SEPTIN14: variants seen among roughly 807,000 people sequenced by gnomAD.
The protein encoded by SEPTIN14 is septin 14.
A neutral mutation model predicts 53.6 loss-of-function variants in SEPTIN14; 40 were observed. That is an observed-to-expected ratio of 0.75 (90% CI 0.58 to 0.97). The LOEUF is 0.97. Ranked by LOEUF, SEPTIN14 falls within the 50% of genes least tolerant of loss-of-function variation. The pLI is 0.00. For missense variants in SEPTIN14, 471 were observed against 508.2 expected (o/e 0.93, Z 0.70); for synonymous variants, 138 against 166.8 (o/e 0.83, Z 1.33).
intron 9 of SEPTIN14, chr7:55,798,405 C>A: frequency 8.3e-6 from 2 of 240,570 alleles, no homozygotes; most frequent in Non-Finnish European, 8.2e-6. Context: ...GGAGGAGGAG[C>A]CCTGGGCCCC....
intron 6 of SEPTIN14, among the ~76,000 whole-genome samples, chr7:55,822,482 C>T (rs535760801): frequency 6.6e-6 from 1 of 151,952 alleles, no homozygotes; most frequent in South Asian, 2.1e-4. Context: ...GGAAGACATA[C>T]TATTCAACCT....
intron 7 of SEPTIN14, among the ~76,000 whole-genome samples, chr7:55,808,843 C>T (rs112894925): frequency 0.22 from 33,726 of 152,140 alleles, 4,338 homozygotes; most frequent in Middle Eastern, 0.31. Flanking sequence ...TGAGCCACCA[C>T]GCTCGGCCTG....
At position 55,807,274 on chromosome 7, in the gene SEPTIN14, T is replaced by C. The variant is rs755530899; in HGVS notation, c.818-16A>G. ...TCATTTTCCACTAGTAAAAAAATAA[T>C]AATGAATCAACAACATTCAGTATCA... On this transcript the variant is annotated splice_polypyrimidine_tract_variant and intron_variant, in intron 7 of 9. Transcript: ENST00000388975. 19 of 1,533,812 alleles carry C rather than the reference T, an allele frequency of 1.2e-5. No individual in the cohort carries two copies. The South Asian group carries it at 2.2e-4, about 18-fold the overall frequency.
At chr7:55,842,254 T>C (rs992093260) in intron 5 of SEPTIN14, among the ~76,000 whole-genome samples, 1 of 152,038 alleles carries the variant, frequency 6.6e-6, no homozygotes, top group Admixed American at 6.6e-5. Flanking sequence ...GATATGTAAC[T>C]ACACTTGCAT....
chr7:55,815,008 T>C (rs562006485), intron 7 of SEPTIN14, among the ~76,000 whole-genome samples: 16 of 152,238 alleles, frequency 1.1e-4, no homozygotes, highest in Non-Finnish European at 2.4e-4. Flanking sequence ...AGAGAACTCA[T>C]TTTCAACAAA....
intron 2 of SEPTIN14, among the ~76,000 whole-genome samples, chr7:55,859,188 A>G (rs1789700192): frequency 6.6e-6 from 1 of 151,896 alleles, no homozygotes; most frequent in Non-Finnish European, 1.5e-5. Flanking sequence ...ACCAATGTCC[A>G]GGACATTTTC....
At chr7:55,830,366 A>G (rs1174220796) in intron 6 of SEPTIN14, among the ~76,000 whole-genome samples, 1 of 27,928 alleles carries the variant, frequency 3.6e-5, no homozygotes, top group Admixed American at 3.7e-4. Context: ...TTTTTTTTTG[A>G]GACGGAGTCT....
chr7:55,824,468 T>G (rs989388159), intron 6 of SEPTIN14, among the ~76,000 whole-genome samples: 4 of 152,110 alleles, frequency 2.6e-5, no homozygotes. Flanking sequence ...TTCCACCCAC[T>G]GAATCTAAAA....
chr7:55,816,690 C>G (rs1197059366), intron 7 of SEPTIN14, among the ~76,000 whole-genome samples: 1 of 151,648 alleles, frequency 6.6e-6, no homozygotes, highest in African/African-American at 2.4e-5. Context: ...GCCTGTAATC[C>G]CAGCTACTGA....
chr7:55,837,661 G>A (rs35640673), intron 5 of SEPTIN14, among the ~76,000 whole-genome samples: 8,900 of 151,608 alleles, frequency 0.059, 484 homozygotes, highest in East Asian at 0.24. Flanking sequence ...TCGGCTCACC[G>A]CAACCTCTGC....
intron 6 of SEPTIN14, among the ~76,000 whole-genome samples, chr7:55,825,736 G>A (rs968657297): frequency 1.5e-4 from 23 of 152,054 alleles, no homozygotes; most frequent in African/African-American, 5.6e-4. Flanking sequence ...GGAGGCCGAG[G>A]CGGTTGGATC....
chr7:55,839,418 G>C (rs1204435605), intron 5 of SEPTIN14, among the ~76,000 whole-genome samples: 1 of 148,828 alleles, frequency 6.7e-6, no homozygotes, highest in Non-Finnish European at 1.5e-5. Context: ...AAGATATTTT[G>C]AGAGACGCAG....
At chr7:55,811,052 T>C in intron 7 of SEPTIN14, 2 of 462,128 alleles carry the variant, frequency 4.3e-6, no homozygotes, top group South Asian at 1.8e-5. Flanking sequence ...CCTCTTCCAC[T>C]ATCATTTCAT....
intron 6 of SEPTIN14, among the ~76,000 whole-genome samples, chr7:55,826,745 C>T (rs751140646): frequency 2.0e-5 from 3 of 150,738 alleles, no homozygotes; most frequent in Non-Finnish European, 2.9e-5. Flanking sequence ...TGCAGTGAGC[C>T]GAGGCCATGC....
At chr7:55,840,887 TG>T (rs999372892) in intron 5 of SEPTIN14, among the ~76,000 whole-genome samples, 6 of 143,316 alleles carry the variant, frequency 4.2e-5, no homozygotes, top group Non-Finnish European at 9.5e-5. Flanking sequence ...TTTTTGTTGT[TG>T]TTATTATTTA....
At chr7:55,849,983 C>A (rs1478035532) in intron 2 of SEPTIN14, among the ~76,000 whole-genome samples, 4 of 152,070 alleles carry the variant, frequency 2.6e-5, no homozygotes, top group Non-Finnish European at 1.5e-5. Flanking sequence ...AATAGGAAAT[C>A]TAAATAGTCA....
chr7:55,816,537 C>A (rs775776852), intron 7 of SEPTIN14, among the ~76,000 whole-genome samples: 3 of 151,812 alleles, frequency 2.0e-5, no homozygotes, highest in African/African-American at 7.3e-5. Flanking sequence ...TGGCTCATGC[C>A]TGTAATCCTA....
chr7:55,858,530 C>T (rs1423755183), intron 2 of SEPTIN14, among the ~76,000 whole-genome samples: 4 of 152,154 alleles, frequency 2.6e-5, no homozygotes, highest in South Asian at 4.1e-4. Context: ...GTAGGCCAGG[C>T]GCAGTGGCTC....
chr7:55,847,864 T>C (rs1789440425), intron 2 of SEPTIN14, among the ~76,000 whole-genome samples: 1 of 152,176 alleles, frequency 6.6e-6, no homozygotes, highest in African/African-American at 2.4e-5. Context: ...CTGATCATTT[T>C]TAAAAGGTTA....
Sources: gnomAD v4.1 joint callset for allele counts (sites outside exome capture counted in the v4.1 genomes callset) on GRCh38, gnomAD v4.1.1 for gene constraint, MANE v1.5 for transcripts, NCBI Gene and HGNC (gene_info 2026-07-23, HGNC 2026-07-21) for gene names.